Variants in SPOCK1 observed in about 807,000 individuals in gnomAD.
The protein encoded by SPOCK1 is testican-1.
In SPOCK1, 23 loss-of-function variants were observed where a neutral mutation model predicts 55.3. That is an observed-to-expected ratio of 0.42 (90% confidence interval 0.30 to 0.59). SPOCK1 has a LOEUF of 0.59. SPOCK1 is among the 20% of genes least tolerant of loss of function. The pLI is 0.22. For missense variants in SPOCK1, 499 were observed against 552.5 expected (o/e 0.90, Z 0.97); for synonymous variants, 226 against 221.0 (o/e 1.02, Z -0.20).
intron 3 of SPOCK1, among the ~76,000 whole-genome samples, chr5:137,162,084 C>A (rs1253117809): frequency 6.6e-6 from 1 of 151,740 alleles, no homozygotes; most frequent in Admixed American, 6.6e-5. Flanking sequence ...GTAAAAGATG[C>A]CCCTTATCAA....
intron 3 of SPOCK1, among the ~76,000 whole-genome samples, chr5:137,211,950 A>G (rs1465471544): frequency 2.6e-5 from 4 of 152,188 alleles, no homozygotes; most frequent in Admixed American, 6.5e-5. Flanking sequence ...TGTATAATAA[A>G]TGGGTAAATG....
At chr5:137,440,061 G>C (rs1752960684) in intron 2 of SPOCK1, among the ~76,000 whole-genome samples, 2 of 151,718 alleles carry the variant, frequency 1.3e-5, no homozygotes, top group African/African-American at 4.8e-5. Flanking sequence ...TAAAAAGCCT[G>C]GAGAAAAAAA....
chr5:137,071,960 T>TA (rs571279160), intron 5 of SPOCK1, among the ~76,000 whole-genome samples: 9 of 152,362 alleles, frequency 5.9e-5, no homozygotes, highest in African/African-American at 1.9e-4. Context: ...GGCGCTTTGT[T>TA]ACAGTAGCAC....
chr5:137,078,262 C>A (rs1451266378), intron 5 of SPOCK1, among the ~76,000 whole-genome samples: 1 of 152,136 alleles, frequency 6.6e-6, no homozygotes, highest in Non-Finnish European at 1.5e-5. Context: ...GGTGCTGGCA[C>A]CTGCTTAAAA....
intron 2 of SPOCK1, among the ~76,000 whole-genome samples, chr5:137,420,600 T>C (rs569405348): frequency 6.6e-6 from 1 of 152,234 alleles, no homozygotes; most frequent in Non-Finnish European, 1.5e-5. Context: ...TGTTATAGTA[T>C]TCTCTGATGG....
intron 5 of SPOCK1, among the ~76,000 whole-genome samples, chr5:137,075,456 G>A (rs1284543662): frequency 6.6e-6 from 1 of 152,222 alleles, no homozygotes; most frequent in African/African-American, 2.4e-5. Flanking sequence ...CTGACCTTCA[G>A]TAAGGATTTG....
At chr5:137,117,112 G>C (rs921138619) in intron 4 of SPOCK1, among the ~76,000 whole-genome samples, 2 of 152,180 alleles carry the variant, frequency 1.3e-5, no homozygotes, top group Admixed American at 6.5e-5. Flanking sequence ...CAGGCTAAAA[G>C]CCTGGGAAGC....
chr5:137,139,896 G>A (rs763583974), intron 4 of SPOCK1, among the ~76,000 whole-genome samples: 1 of 152,172 alleles, frequency 6.6e-6, no homozygotes, highest in Non-Finnish European at 1.5e-5. Flanking sequence ...TTGAAAGCCT[G>A]TATCCATCAT....
In SPOCK1 at chr5:137,256,493, C is replaced by T. The variant is rs181472817; in HGVS notation, c.232+10517G>A. On this transcript the variant is annotated intron_variant, in intron 3 of 10. Transcript: ENST00000394945. ...GCAGGCATCACATGGTGACAGAGGG[C>T]AAGAGGTCAGACTCACAGCCTCAAG... 1.2e-4 allele frequency among the ~76,000 whole-genome samples: 18 copies of T among 152,306 alleles called. No homozygotes were observed. The East Asian group carries it at 1.9e-3, about 16-fold the overall frequency.
At chr5:137,123,998 C>A (rs559159603) in intron 4 of SPOCK1, among the ~76,000 whole-genome samples, 24 of 152,070 alleles carry the variant, frequency 1.6e-4, no homozygotes, top group Non-Finnish European at 3.1e-4. Context: ...CTCTGCTCTG[C>A]CTATTTCTAC....
At chr5:137,245,760 AC>A (rs1301204337) in intron 3 of SPOCK1, among the ~76,000 whole-genome samples, 8 of 61,982 alleles carry the variant, frequency 1.3e-4, no homozygotes, top group African/African-American at 6.0e-4. Context: ...TGTTAAAAAA[AC>A]AAAACAAAAC....
In SPOCK1 at chr5:137,288,107, T is replaced by C. The variant is rs79147742; in HGVS notation, c.187-21052A>G. Among the ~76,000 whole-genome samples, 498 of 152,210 alleles carry C rather than the reference T, an allele frequency of 3.3e-3. 11 individuals carry two copies. In the East Asian group the frequency reaches 0.033, roughly 10 times the overall value. ...CACCACTGTTATGGTCCCAAGAGCA[T>C]TGATGGTGCTCACTCAGCAACAGGG... On this transcript the variant is annotated intron_variant, in intron 2 of 10. Transcript: ENST00000394945.
intron 5 of SPOCK1, among the ~76,000 whole-genome samples, chr5:137,087,595 G>T (rs531508670): frequency 6.6e-6 from 1 of 152,344 alleles, no homozygotes; most frequent in South Asian, 2.1e-4. Context: ...TGGCAGGGAG[G>T]GCTGGAGACT....
At chr5:137,253,125 C>T (rs981044207) in intron 3 of SPOCK1, among the ~76,000 whole-genome samples, 11 of 152,142 alleles carry the variant, frequency 7.2e-5, no homozygotes, top group African/African-American at 9.7e-5. Context: ...AACGTATGTC[C>T]GCATCTACAG....
At chr5:137,273,767 T>C (rs1046347036) in intron 2 of SPOCK1, among the ~76,000 whole-genome samples, 2 of 152,134 alleles carry the variant, frequency 1.3e-5, no homozygotes, top group African/African-American at 4.8e-5. Context: ...AAGGGTGAAA[T>C]TCAGTAAAAA....
chr5:137,007,388 C>T (rs560338684), intron 6 of SPOCK1, among the ~76,000 whole-genome samples: 4 of 151,720 alleles, frequency 2.6e-5, no homozygotes, highest in African/African-American at 9.7e-5. Flanking sequence ...AAAATTTTTG[C>T]AATCATCAAT....
intron 2 of SPOCK1, among the ~76,000 whole-genome samples, chr5:137,268,764 C>G (rs904600295): frequency 2.0e-5 from 3 of 152,162 alleles, no homozygotes; most frequent in Non-Finnish European, 4.4e-5. Flanking sequence ...TGTGGTTTAT[C>G]AATGCTCTCT....
chr5:137,317,096 T>C (rs1019821085), intron 2 of SPOCK1, among the ~76,000 whole-genome samples: 4 of 152,196 alleles, frequency 2.6e-5, no homozygotes, highest in African/African-American at 9.6e-5. Flanking sequence ...GTCCTTGATT[T>C]TACTGCTTGG....
At chr5:137,180,780 G>C (rs1224182376) in intron 3 of SPOCK1, among the ~76,000 whole-genome samples, 1 of 152,162 alleles carries the variant, frequency 6.6e-6, no homozygotes, top group Non-Finnish European at 1.5e-5. Flanking sequence ...CTGACAAACA[G>C]TCTCAAAATA....
Sources: allele counts gnomAD v4.1 joint callset (sites outside exome capture counted in the v4.1 genomes callset), GRCh38; gene constraint gnomAD v4.1.1; transcripts MANE v1.5; gene names NCBI Gene and HGNC (gene_info 2026-07-23, HGNC 2026-07-21).